The following ATG7 variants were observed in gnomAD, a reference collection of about 807,000 sequenced individuals.
ATG7 encodes autophagy related 7, also known as ubiquitin-like modifier-activating enzyme ATG7.
ATG7 carries 70 observed loss-of-function variants against 82.4 expected under a neutral mutation model. The ratio of observed to expected loss-of-function variants is 0.85; its 90% CI spans 0.70 to 1.04. The LOEUF (loss-of-function observed/expected upper bound fraction) is 1.04. ATG7 is among the 50% of genes least tolerant of loss of function. The pLI, the probability that ATG7 is intolerant of heterozygous loss-of-function variation, is 0.00. For missense variants in ATG7, 792 were observed against 864.3 expected (o/e 0.92, Z 1.05); for synonymous variants, 287 against 313.0 (o/e 0.92, Z 0.88).
chr3:11,452,934 A>C (rs1402747145), intron 20 of ATG7, among the ~76,000 whole-genome samples: 2 of 152,194 alleles, frequency 1.3e-5, no homozygotes, highest in Non-Finnish European at 2.9e-5. Context: ...TATCTGCTGG[A>C]AGTGCACGAT....
downstream of ATG7, among the ~76,000 whole-genome samples, chr3:11,561,731 G>A (rs992272988): frequency 2.0e-5 from 3 of 151,946 alleles, no homozygotes; most frequent in Admixed American, 6.5e-5. Flanking sequence ...TGGAAGTTAC[G>A]CTGCGGATTT....
At chr3:11,442,249 A>G (rs967450168) in intron 20 of ATG7, among the ~76,000 whole-genome samples, 1 of 152,152 alleles carries the variant, frequency 6.6e-6, no homozygotes, top group Non-Finnish European at 1.5e-5. Flanking sequence ...GGAAGGGAGC[A>G]TAGGATGTGG....
intron 19 of ATG7, among the ~76,000 whole-genome samples, chr3:11,384,719 TG>T (rs2078181537): frequency 6.6e-6 from 1 of 152,084 alleles, no homozygotes; most frequent in African/African-American, 2.4e-5. Flanking sequence ...CAGCACTTTG[TG>T]GGGGCTGAGG....
At chr3:11,480,624 C>T (rs189630659) in intron 20 of ATG7, among the ~76,000 whole-genome samples, 286 of 152,208 alleles carry the variant, frequency 1.9e-3, no homozygotes, top group African/African-American at 6.7e-3. Flanking sequence ...CTCGACTTCA[C>T]CTAAAGGGTA....
intron 20 of ATG7, among the ~76,000 whole-genome samples, chr3:11,534,084 C>T (rs965412404): frequency 2.0e-5 from 3 of 152,240 alleles, no homozygotes; most frequent in Non-Finnish European, 4.4e-5. Context: ...TCCTCCCCCC[C>T]CAGGGGAAAG....
chr3:11,360,283 C>T lies in ATG7; in HGVS notation c.1480-298C>T, dbSNP rs148641933. The stretch of plus-strand genomic sequence containing the variant: ...CTGGTCTCGAACTCCTGACCTCAGA[C>T]AGTCTGCCCGCCTTGGCCTCCCAAA... On this transcript the variant is annotated intron_variant, in intron 15 of 20. Coordinates refer to ENST00000693202, the MANE Select transcript of ATG7 (RefSeq NM_001349232.2). 5.8e-3 allele frequency among the ~76,000 whole-genome samples: 881 copies of T among 152,258 alleles called. 4 individuals carry two copies. The highest frequency in any genetic ancestry group is 0.034 in the Middle Eastern group (10 of 294).
chr3:11,559,044 C>G (rs556493091), downstream of ATG7, among the ~76,000 whole-genome samples: 7 of 152,180 alleles, frequency 4.6e-5, no homozygotes, highest in Non-Finnish European at 8.8e-5. Context: ...GGCCAGAGTC[C>G]GAGTTCAGAA....
At chr3:11,559,233 T>C (rs561439383), downstream of ATG7, 8 of 1,437,400 alleles carry the variant, frequency 5.6e-6, no homozygotes, top group South Asian at 8.9e-5. Flanking sequence ...CAGCAATAGA[T>C]GGGCTCAGGG....
intron 1 of ATG7, among the ~76,000 whole-genome samples, chr3:11,275,662 T>G (rs1217636478): frequency 6.6e-6 from 1 of 152,042 alleles, no homozygotes; most frequent in Non-Finnish European, 1.5e-5. Flanking sequence ...CCTCTCCCCT[T>G]TCTATCTCCT....
Position 11,306,546 on chromosome 3 carries a change from A to G in ATG7, c.216-397A>G, listed in dbSNP as rs1244872152. On this transcript the variant is annotated intron_variant, in intron 5 of 20. Transcript: ENST00000693202. Reference sequence around the variant, plus strand: ...CTGGTTTTAGATTCAAGCTCTGCCTATTATTATGTGACCTTAGGCAAGTTG... The same window carrying G: ...CTGGTTTTAGATTCAAGCTCTGCCTGTTATTATGTGACCTTAGGCAAGTTG... 2.0e-5 allele frequency among the ~76,000 whole-genome samples: 3 copies of G among 151,726 alleles called. No homozygotes were observed. In the East Asian group the frequency reaches 5.8e-4, roughly 29 times the overall value.
intron 18 of ATG7, among the ~76,000 whole-genome samples, chr3:11,375,038 TTAA>T (rs201461612): frequency 0.29 from 42,358 of 144,334 alleles, 6,754 homozygotes; most frequent in South Asian, 0.42. Context: ...CTCATCTCTC[TTAA>T]AAAAAAAAAA....
intron 19 of ATG7, among the ~76,000 whole-genome samples, chr3:11,395,871 C>T (rs559892204): frequency 7.5e-5 from 10 of 132,882 alleles, no homozygotes; most frequent in South Asian, 2.6e-4. Context: ...ACCGAGGAGG[C>T]GGAGCTCGCA....
intron 14 of ATG7, among the ~76,000 whole-genome samples, chr3:11,352,668 G>A (rs1040226558): frequency 6.6e-6 from 1 of 152,196 alleles, no homozygotes; most frequent in Non-Finnish European, 1.5e-5. Context: ...ACAAGACATG[G>A]TTCTGCCCTC....
chr3:11,393,827 C>G (rs2079006845), intron 19 of ATG7, among the ~76,000 whole-genome samples: 1 of 152,090 alleles, frequency 6.6e-6, no homozygotes, highest in Non-Finnish European at 1.5e-5. Context: ...AATACTGGTG[C>G]ATGCCACCAC....
intron 9 of ATG7, among the ~76,000 whole-genome samples, chr3:11,318,646 G>A (rs980534648): frequency 6.6e-6 from 1 of 152,078 alleles, no homozygotes; most frequent in East Asian, 1.9e-4. Context: ...TGTTGACTTC[G>A]GGATAACGTT....
rs766157655 is a variant in ATG7 at position 11,475,907 on chromosome 3, A to ACACACACACACACACACACACC, written c.2079+48982_2079+48983insACACACACACACACACACACCC. Among the ~76,000 whole-genome samples the ACACACACACACACACACACACC allele has an allele frequency of 4.8e-5, 7 of 146,336 alleles. No individual in the cohort carries two copies. In the East Asian group the frequency reaches 6.0e-4, roughly 13 times the overall value. ...CACACACACACACACACACACACAC[A>ACACACACACACACACACACACC]CCCCCTCCCAGAGTCCGAGCATTCT... On this transcript the variant is annotated intron_variant, in intron 20 of 20. Transcript: ENST00000693202.
intron 11 of ATG7, among the ~76,000 whole-genome samples, chr3:11,339,273 G>A (rs1953078186): frequency 7.2e-6 from 1 of 139,020 alleles, no homozygotes; most frequent in South Asian, 2.4e-4. Flanking sequence ...TCCAGCCTGG[G>A]CGACAGAGCG....
intron 19 of ATG7, among the ~76,000 whole-genome samples, chr3:11,424,171 G>C (rs1576317045): frequency 1.3e-5 from 2 of 152,132 alleles, no homozygotes; most frequent in Admixed American, 6.6e-5. Context: ...CCCTGGGGGA[G>C]AGCTGCCCCT....
At position 11,554,853 on chromosome 3, in the gene ATG7, G is replaced by A. The variant is rs370047460; in HGVS notation, c.*10G>A. On this transcript the variant is annotated 3_prime_UTR_variant, in exon 21 of 21. Coordinates refer to ENST00000693202, the MANE Select transcript of ATG7 (RefSeq NM_001349232.2). ...TGATGAGACCATCTGAGATGGCCCC[G>A]CTGTGGGGCTGACTTCTCCCCGGCC... 1.4e-5 allele frequency: 23 copies of A among 1,612,192 alleles called. No homozygotes were observed. The highest frequency in any genetic ancestry group is 5.0e-5 in the Admixed American group (3 of 59,936).
Sources: allele counts gnomAD v4.1 joint callset (sites outside exome capture counted in the v4.1 genomes callset), GRCh38; gene constraint gnomAD v4.1.1; transcripts MANE v1.5; gene names NCBI Gene and HGNC (gene_info 2026-07-23, HGNC 2026-07-21).